NEGR1: variants seen among roughly 807,000 people sequenced by gnomAD.
The protein encoded by NEGR1 is neuronal growth regulator 1, also known as IgLON family member 4.
In NEGR1, 10 loss-of-function variants were observed where a neutral mutation model predicts 40.9. The observed-to-expected ratio is 0.24, with a 90% CI of 0.15 to 0.42. The LOEUF (loss-of-function observed/expected upper bound fraction) is 0.42, where lower values mean the gene tolerates loss of function less well. NEGR1 is among the 10% of genes least tolerant of loss of function. The pLI is 1.00. For synonymous variants in NEGR1, 185 were observed against 166.8 expected, an observed-to-expected ratio of 1.11 and a Z score of -0.84; for missense variants, 352 against 438.9, an observed-to-expected ratio of 0.80 and a Z score of 1.77.
chr1:72,092,069 A>G (rs1301272661), intron 1 of NEGR1, among the ~76,000 whole-genome samples: 1 of 152,158 alleles, frequency 6.6e-6, no homozygotes, highest in Non-Finnish European at 1.5e-5. Flanking sequence ...CATTCAGTCT[A>G]TAACACTGAT....
rs375465796 is a variant in NEGR1, at chr1:71,917,651, G to A, written c.409+17428C>T. On this transcript the variant is annotated intron_variant, in intron 2 of 6. Coordinates refer to ENST00000357731, the MANE Select transcript of NEGR1 (RefSeq NM_173808.3). ...AAATTAGCCGGGCCTGGTGGCGGGC[G>A]CCTGTAGTCGCCAGCTACTCGGAGA... Among the ~76,000 whole-genome samples, 8 of 151,666 alleles carry A rather than the reference G, an allele frequency of 5.3e-5. No individual in the cohort carries two copies. The South Asian group carries it at 1.5e-3, about 28-fold the overall frequency.
intron 2 of NEGR1, among the ~76,000 whole-genome samples, chr1:71,804,117 A>T (rs1281851522): frequency 2.0e-5 from 3 of 152,196 alleles, no homozygotes; most frequent in African/African-American, 7.2e-5. Context: ...TCTAGTATAC[A>T]ACCCTACCAT....
chr1:71,613,682 G>A (rs1181682912), intron 4 of NEGR1, among the ~76,000 whole-genome samples: 1 of 151,682 alleles, frequency 6.6e-6, no homozygotes, highest in East Asian at 1.9e-4. Flanking sequence ...AATTTTGGAG[G>A]GAAACATTAG....
chr1:71,555,444 T>C (rs1648225195), intron 6 of NEGR1, among the ~76,000 whole-genome samples: 1 of 151,618 alleles, frequency 6.6e-6, no homozygotes, highest in African/African-American at 2.4e-5. Context: ...ACTTGTTACC[T>C]GAAAATAGAC....
intron 1 of NEGR1, among the ~76,000 whole-genome samples, chr1:72,072,027 G>A (rs1647483043): frequency 6.6e-6 from 1 of 152,098 alleles, no homozygotes; most frequent in South Asian, 2.1e-4. Flanking sequence ...CTCTTAATAT[G>A]AATGTGTTAT....
chr1:71,458,897 A>C (rs1006690744), intron 6 of NEGR1, among the ~76,000 whole-genome samples: 3 of 152,100 alleles, frequency 2.0e-5, no homozygotes, highest in African/African-American at 7.2e-5. Flanking sequence ...CATCAGTTCC[A>C]TGTGTCTCTG....
chr1:72,233,904 C>A (rs1161664272), intron 1 of NEGR1, among the ~76,000 whole-genome samples: 2 of 152,060 alleles, frequency 1.3e-5, no homozygotes, highest in African/African-American at 4.8e-5. Flanking sequence ...AATTTACATT[C>A]CCACCAACTG....
intron 1 of NEGR1, among the ~76,000 whole-genome samples, chr1:72,023,049 A>G (rs1280634437): frequency 1.3e-5 from 2 of 152,188 alleles, no homozygotes; most frequent in Non-Finnish European, 1.5e-5. Context: ...TAATATAAAG[A>G]CTTGATGAAG....
intron 1 of NEGR1, among the ~76,000 whole-genome samples, chr1:72,067,073 TTAAAGAGG>T (rs1201138906): frequency 1.3e-5 from 2 of 152,062 alleles, no homozygotes; most frequent in African/African-American, 4.8e-5. Context: ...TTGCATGTGG[TTAAAGAGG>T]TAAAGATCTA....
At chr1:71,816,362 A>G (rs1658211696) in intron 2 of NEGR1, among the ~76,000 whole-genome samples, 4 of 152,072 alleles carry the variant, frequency 2.6e-5, no homozygotes, top group Admixed American at 2.6e-4. Context: ...TGCTATGAAG[A>G]AATAACTGAG....
At chr1:71,672,068 C>T (rs1264274679) in intron 4 of NEGR1, among the ~76,000 whole-genome samples, 2 of 151,910 alleles carry the variant, frequency 1.3e-5, no homozygotes, top group Admixed American at 1.3e-4. Context: ...ATAGTAAAAA[C>T]TCTACTATTG....
chr1:71,540,523 A>T (rs541522467), intron 6 of NEGR1, among the ~76,000 whole-genome samples: 1 of 151,718 alleles, frequency 6.6e-6, no homozygotes, highest in South Asian at 2.1e-4. Context: ...ATTGCTTCTG[A>T]TTTTTTTGTT....
intron 1 of NEGR1, among the ~76,000 whole-genome samples, chr1:71,963,335 C>T (rs1646182619): frequency 6.6e-6 from 1 of 152,110 alleles, no homozygotes; most frequent in Non-Finnish European, 1.5e-5. Context: ...TCTAAGTGGT[C>T]ATCAGCAGTT....
chr1:71,694,293 T>A (rs367837511), intron 4 of NEGR1, among the ~76,000 whole-genome samples: 1 of 151,438 alleles, frequency 6.6e-6, no homozygotes, highest in Non-Finnish European at 1.5e-5. Context: ...TTAATTATGA[T>A]AATTTTCATG....
intron 1 of NEGR1, among the ~76,000 whole-genome samples, chr1:72,109,849 A>T (rs1207669548): frequency 6.6e-6 from 1 of 151,698 alleles, no homozygotes; most frequent in Non-Finnish European, 1.5e-5. Flanking sequence ...GCTGGTTTAC[A>T]TATTTAAAAG....
At chr1:71,794,032 A>G (rs898333949) in intron 2 of NEGR1, among the ~76,000 whole-genome samples, 1 of 152,244 alleles carries the variant, frequency 6.6e-6, no homozygotes, top group East Asian at 1.9e-4. Flanking sequence ...AGAGTTCCTA[A>G]TCAGTTCAAT....
At chr1:71,541,163 C>A (rs1453586191) in intron 6 of NEGR1, among the ~76,000 whole-genome samples, 1 of 151,560 alleles carries the variant, frequency 6.6e-6, no homozygotes, top group Non-Finnish European at 1.5e-5. Flanking sequence ...CAGGTCTCTG[C>A]CATAAACTAG....
chr1:71,831,595 A>ATT (rs1658842029), intron 2 of NEGR1, among the ~76,000 whole-genome samples: 1 of 151,948 alleles, frequency 6.6e-6, no homozygotes, highest in South Asian at 2.1e-4. Flanking sequence ...AGGGCTCATT[A>ATT]TTGTGTGTGA....
intron 1 of NEGR1, among the ~76,000 whole-genome samples, chr1:72,178,825 T>C (rs939908706): frequency 2.0e-5 from 3 of 152,010 alleles, no homozygotes; most frequent in Non-Finnish European, 2.9e-5. Flanking sequence ...TTTCTTCATA[T>C]ACTTGTTGGC....
Sources: allele counts gnomAD v4.1 joint callset (sites outside exome capture counted in the v4.1 genomes callset), GRCh38; gene constraint gnomAD v4.1.1; transcripts MANE v1.5; gene names NCBI Gene and HGNC (gene_info 2026-07-23, HGNC 2026-07-21).